ATP6V1C1: variants seen among roughly 807,000 people sequenced by gnomAD.
ATP6V1C1 encodes V-type proton ATPase subunit C 1.
In ATP6V1C1, 45 loss-of-function variants were observed where a neutral mutation model predicts 53.9. The observed-to-expected ratio is 0.83, with a 90% CI of 0.66 to 1.07. The LOEUF is 1.07. Ranked by LOEUF, ATP6V1C1 falls within the 50% of genes least tolerant of loss-of-function variation. The pLI is 0.00. For missense variants in ATP6V1C1, 315 were observed against 440.3 expected (o/e 0.72, Z 2.55); for synonymous variants, 153 against 155.2 (o/e 0.99, Z 0.11).
At position 103,048,830 on chromosome 8, in the gene ATP6V1C1, T is replaced by C; in HGVS notation, c.201-40T>C. 6 of 1,550,706 alleles carry C rather than the reference T, an allele frequency of 3.9e-6. 1 individual carries two copies. In the South Asian group the frequency reaches 5.6e-5, roughly 15 times the overall value. On this transcript the variant is annotated intron_variant, in intron 3 of 12. Coordinates refer to ENST00000518738, the MANE Select transcript of ATP6V1C1 (RefSeq NM_001695.5). ...CATTGTATAGAATGGAATTTAGATC[T>C]TTTTCCTGAGAATGGTTGTTGATAT...
intron 12 of ATP6V1C1, among the ~76,000 whole-genome samples, chr8:103,067,630 T>C (rs150720852): frequency 0.042 from 6,252 of 149,226 alleles, 193 homozygotes; most frequent in South Asian, 0.1. Context: ...AGATGGAGTT[T>C]CGCTCTTTTG....
At chr8:103,042,494 A>G (rs1817019204) in intron 3 of ATP6V1C1, 87 bp downstream of exon 3, 1 of 1,316,598 alleles carries the variant, frequency 7.6e-7, no homozygotes, top group Non-Finnish European at 1.1e-6. Context: ...TCACATGTAT[A>G]CTCTGCTTAT....
At chr8:103,035,410 A>C (rs1158601487) in intron 1 of ATP6V1C1, among the ~76,000 whole-genome samples, 2 of 152,202 alleles carry the variant, frequency 1.3e-5, no homozygotes, top group African/African-American at 4.8e-5. Flanking sequence ...TCTGGCTCTC[A>C]GGGTTTCACA....
chr8:103,065,367 CAG>C (rs1475886595), intron 11 of ATP6V1C1, among the ~76,000 whole-genome samples: 8 of 151,996 alleles, frequency 5.3e-5, no homozygotes, highest in Admixed American at 3.9e-4. Context: ...TCCTGGCTAA[CAG>C]GGTGAAATCC....
chr8:103,028,149 A>T (rs1317138904), intron 1 of ATP6V1C1, among the ~76,000 whole-genome samples: 4 of 152,210 alleles, frequency 2.6e-5, no homozygotes, highest in African/African-American at 7.2e-5. Flanking sequence ...GGTTTGGTGC[A>T]TGGATGGACT....
At chr8:103,050,396 T>C (rs896130497) in intron 4 of ATP6V1C1, among the ~76,000 whole-genome samples, 9 of 152,178 alleles carry the variant, frequency 5.9e-5, no homozygotes, top group Admixed American at 1.3e-4. Flanking sequence ...TAAGGAGATA[T>C]TGAGAAGAGA....
chr8:103,065,126 T>C (rs1201128246), intron 11 of ATP6V1C1, among the ~76,000 whole-genome samples: 6 of 152,238 alleles, frequency 3.9e-5, no homozygotes, highest in Non-Finnish European at 1.5e-5. Context: ...GTTTTATATG[T>C]CATTGGATAC....
chr8:103,030,876 G>C (rs1316355481), intron 1 of ATP6V1C1, among the ~76,000 whole-genome samples: 1 of 152,130 alleles, frequency 6.6e-6, no homozygotes, highest in Non-Finnish European at 1.5e-5. Context: ...ACCAGATATG[G>C]GAGAGAGAAC....
intron 1 of ATP6V1C1, among the ~76,000 whole-genome samples, chr8:103,035,275 T>TA (rs1816874045): frequency 6.6e-6 from 1 of 152,068 alleles, no homozygotes. Flanking sequence ...CATGATTTTT[T>TA]TTGCGTTTAT....
At position 103,066,357 on chromosome 8, in the gene ATP6V1C1, T is replaced by C; in HGVS notation, c.963T>C (p.Leu321=). The stretch of plus-strand genomic sequence containing the variant: ...CAGTGAACTTCCAAGCAATGCTACT[T>C]CAGCCCAATAAGAAAACTTTGAAGA... ...GLPVNFQAML[L]QPNKKTLKKL... The change falls in exon 12 of 13, where the codon CTT becomes CTC. Residue 321 remains leucine (L), a synonymous_variant. Coordinates refer to ENST00000518738, the MANE Select transcript of ATP6V1C1 (RefSeq NM_001695.5). 6.2e-7 allele frequency: 1 copy of C among 1,613,522 alleles called. No homozygotes were observed. Among genetic ancestry groups the C allele is most frequent in the Non-Finnish European group, 8.5e-7 (1 of 1,179,868 alleles).
In ATP6V1C1 at chr8:103,066,466, A is replaced by G. The variant is rs1275404304; in HGVS notation, c.1053+19A>G. On this transcript the variant is annotated intron_variant, in intron 12 of 12. Coordinates refer to ENST00000518738, the MANE Select transcript of ATP6V1C1 (RefSeq NM_001695.5). ...TATTGATGTAAGTACTTATTAGCCCAGTAGAGTAAGAATTGAAGTGAATTT... is the reference window on the plus strand; with the variant it reads ...TATTGATGTAAGTACTTATTAGCCCGGTAGAGTAAGAATTGAAGTGAATTT... The G allele has an allele frequency of 6.5e-7, 1 of 1,533,884 alleles. No individual in the cohort carries two copies. The highest frequency in any genetic ancestry group is 8.7e-7 in the Non-Finnish European group (1 of 1,144,720).
In ATP6V1C1 at chr8:103,052,869, C is replaced by T. The variant is rs760391545; in HGVS notation, c.473+47C>T. 16 of 1,168,344 alleles carry T rather than the reference C, an allele frequency of 1.4e-5. No individual in the cohort carries two copies. In the Admixed American group the frequency reaches 3.6e-4, roughly 26 times the overall value. The allele number at this position is 1,168,344 out of a possible 1,614,324, so 72.4% of individuals were successfully genotyped here. On this transcript the variant is annotated intron_variant, in intron 6 of 12. Coordinates refer to ENST00000518738, the MANE Select transcript of ATP6V1C1 (RefSeq NM_001695.5). ...GAGTACTAAGAACTGGGGAAGCATACTAGCATGCACCGAAGGAGATATTGT... is the reference window on the plus strand; with the variant it reads ...GAGTACTAAGAACTGGGGAAGCATATTAGCATGCACCGAAGGAGATATTGT...
At chr8:103,064,891 C>G (rs923247251) in intron 11 of ATP6V1C1, 80 bp downstream of exon 11, 4 of 1,226,940 alleles carry the variant, frequency 3.3e-6, no homozygotes, top group Middle Eastern at 1.9e-4. Context: ...ATAACACAGT[C>G]CAGCAATAGG....
At chr8:103,049,052 G>A in intron 4 of ATP6V1C1, 97 bp downstream of exon 4, 1 of 1,104,230 alleles carries the variant, frequency 9.1e-7, no homozygotes, top group Non-Finnish European at 1.3e-6. Flanking sequence ...TACAGAAAAG[G>A]ACACTAAATA....
intron 12 of ATP6V1C1, 73 bp downstream of exon 12, chr8:103,066,520 A>G (rs1817494120): frequency 1.4e-6 from 2 of 1,425,428 alleles, no homozygotes; most frequent in South Asian, 1.6e-5. Context: ...AAGAAGATAG[A>G]CAGAAAAGGG....
intron 8 of ATP6V1C1, among the ~76,000 whole-genome samples, 168 bp downstream of exon 8, chr8:103,056,104 C>G (rs1364582576): frequency 3.3e-5 from 5 of 152,162 alleles, no homozygotes; most frequent in African/African-American, 1.2e-4. Flanking sequence ...GGACTTGGCA[C>G]AGTCTGTTTG....
At position 103,070,806 on chromosome 8, in the gene ATP6V1C1, C is replaced by T. The variant is rs971065837; in HGVS notation, c.*2059C>T. On this transcript the variant is annotated 3_prime_UTR_variant, in exon 13 of 13. Transcript: ENST00000518738. ...GCTGAGCATGTGCTCTGAGGCCAGG[C>T]CCCAGCTCTGCTGCTGACGAGCTGT... is the stretch of plus-strand genomic sequence containing the variant. 2.6e-5 allele frequency: 4 copies of T among 152,234 alleles called. No individual in the cohort carries two copies. The highest frequency in any genetic ancestry group is 9.6e-5 in the African/African-American group (4 of 41,454). The allele number at this position is 152,234 out of a possible 1,614,324, so 9.4% of individuals were successfully genotyped here. A position where few individuals can be genotyped will look rare whatever the true frequency, so the allele number is the denominator to read the frequency against.
intron 11 of ATP6V1C1, among the ~76,000 whole-genome samples, chr8:103,065,068 T>G (rs573250569): frequency 6.6e-6 from 1 of 152,318 alleles, no homozygotes; most frequent in South Asian, 2.1e-4. Context: ...TACTTAAAAG[T>G]AGATTAAATA....
intron 4 of ATP6V1C1, 39 bp from the exon 5 acceptor site, chr8:103,051,011 T>C: frequency 7.2e-7 from 1 of 1,379,362 alleles, no homozygotes; most frequent in Non-Finnish European, 1.0e-6. Flanking sequence ...AACAATTCTA[T>C]TGTTTTTCTT....
Sources: gnomAD v4.1 joint callset for allele counts (sites outside exome capture counted in the v4.1 genomes callset) on GRCh38, gnomAD v4.1.1 for gene constraint, MANE v1.5 for transcripts, NCBI Gene and HGNC (gene_info 2026-07-23, HGNC 2026-07-21) for gene names.